ROR2: variants seen among roughly 807,000 people sequenced by gnomAD.
ROR2 encodes tyrosine-protein kinase transmembrane receptor ROR2.
Under a neutral mutation model 74.9 loss-of-function variants are expected in ROR2, and 33 were observed. The ratio of observed to expected loss-of-function variants is 0.44; its 90% confidence interval spans 0.33 to 0.59. The LOEUF (loss-of-function observed/expected upper bound fraction) is 0.59, where lower values mean the gene tolerates loss of function less well. ROR2 is among the 20% of genes least tolerant of loss of function. The pLI is 0.02. For missense variants in ROR2, 1,216 were observed against 1,313.8 expected, an observed-to-expected ratio of 0.93 and a Z score of 1.15; for synonymous variants, 586 against 558.7, an observed-to-expected ratio of 1.05 and a Z score of -0.69.
At chr9:91,802,051 T>C (rs1242165956) in intron 1 of ROR2, among the ~76,000 whole-genome samples, 1 of 151,440 alleles carries the variant, frequency 6.6e-6, no homozygotes, top group African/African-American at 2.4e-5. Flanking sequence ...ACAAACCTTT[T>C]CTTAATTTGG....
chr9:91,874,150 C>T (rs1388418300), intron 1 of ROR2, among the ~76,000 whole-genome samples: 1 of 152,200 alleles, frequency 6.6e-6, no homozygotes, highest in Non-Finnish European at 1.5e-5. Context: ...AGGAATCACC[C>T]CACTTAGGGG....
At chr9:91,865,681 A>G (rs770745957) in intron 1 of ROR2, among the ~76,000 whole-genome samples, 1 of 152,246 alleles carries the variant, frequency 6.6e-6, no homozygotes, top group Non-Finnish European at 1.5e-5. Context: ...GAAATACTAC[A>G]AAACTATGGA....
intron 4 of ROR2, among the ~76,000 whole-genome samples, chr9:91,742,508 A>C (rs1262429203): frequency 2.0e-5 from 3 of 152,254 alleles, no homozygotes; most frequent in Admixed American, 2.0e-4. Flanking sequence ...CAGGAAGCCT[A>C]GAACTGAAAC....
rs1196649802 is a variant in ROR2 at position 91,932,978 on chromosome 9, GA to G, written c.97+16888del. On this transcript the variant is annotated intron_variant, in intron 1 of 8. Transcript: ENST00000375708. ...AGAATAAATTGCTGCCACCTTCTGGGAAAACAACTTTGTAGACAGTATCAAA... is the reference window on the plus strand; with the variant it reads ...AGAATAAATTGCTGCCACCTTCTGGGAAACAACTTTGTAGACAGTATCAAA... Among the ~76,000 whole-genome samples the G allele has an allele frequency of 2.0e-5, 3 of 152,250 alleles. No homozygotes were observed. In the East Asian group the frequency reaches 5.8e-4, roughly 29 times the overall value.
chr9:91,837,368 A>C (rs1828641394), intron 1 of ROR2, among the ~76,000 whole-genome samples: 1 of 152,232 alleles, frequency 6.6e-6, no homozygotes, highest in Admixed American at 6.5e-5. Context: ...CACTGTGCCC[A>C]GCCTGCTTAC....
At chr9:91,754,409 C>A (rs961723446) in intron 4 of ROR2, among the ~76,000 whole-genome samples, 2 of 151,934 alleles carry the variant, frequency 1.3e-5, no homozygotes, top group African/African-American at 2.4e-5. Flanking sequence ...GTAATCTCAG[C>A]ACTTTGGGAG....
rs7852359 is a variant in ROR2 at position 91,849,133 on chromosome 9, G to A, written c.98-73315C>T. 9.7e-4 allele frequency among the ~76,000 whole-genome samples: 148 copies of A among 152,212 alleles called. 1 individual carries two copies. Among genetic ancestry groups the A allele is most frequent in the African/African-American group, 3.3e-3 (138 of 41,528 alleles). On this transcript the variant is annotated intron_variant, in intron 1 of 8. Transcript: ENST00000375708. ...CTAGGGCTTGCTTGAGATCACCTTGGCCAACCTTACCATGGGACCAAACCC... is the reference window on the plus strand; with the variant it reads ...CTAGGGCTTGCTTGAGATCACCTTGACCAACCTTACCATGGGACCAAACCC...
chr9:91,823,184 G>GATA (rs1432696650), intron 1 of ROR2, among the ~76,000 whole-genome samples: 1 of 152,140 alleles, frequency 6.6e-6, no homozygotes, highest in Non-Finnish European at 1.5e-5. Context: ...ACCATTAGAC[G>GATA]ATATCATGGG....
Position 91,733,547 on chromosome 9 carries a change from T to TGCCCC in ROR2, c.623-116_623-112dup. 1 of 1,205,930 alleles carries TGCCCC rather than the reference T, an allele frequency of 8.3e-7. No homozygotes were observed. Among genetic ancestry groups the TGCCCC allele is most frequent in the Non-Finnish European group, 1.1e-6 (1 of 869,738 alleles). 74.7% of individuals were successfully genotyped at this position (1,205,930 alleles called of 1,614,324 possible). A position where few individuals can be genotyped will look rare whatever the true frequency, so the allele number is the denominator to read the frequency against. On this transcript the variant is annotated intron_variant, in intron 5 of 8. Transcript: ENST00000375708. This position sits in a 1 kb window ranked among gnomAD's most constrained non-coding sequence, Gnocchi z 5.7. The stretch of plus-strand genomic sequence containing the variant: ...CCAGACTGCCCACTCAGCCCCCTGA[T>TGCCCC]GCCCCGCCCCGCCCCAGACTCCCCA...
chr9:91,775,797 G>C lies in ROR2; in HGVS notation c.119C>G (p.Pro40Arg). The change falls in exon 2 of 9, where the codon CCG becomes CGG. Residue 40 changes from proline (P) to arginine (R), a missense_variant. Physicochemically the swap from Pro to Arg is moderately radical, Grantham distance 103. Transcript: ENST00000375708. ...RTSGEVEVLD[P>R]NDPLGPLDGQ... ...ATCAAGGGGTCCTAAAGGGTCGTTCGGATCCAGAACCTCCACTTCACCTGG... is the reference window on the plus strand; with the variant it reads ...ATCAAGGGGTCCTAAAGGGTCGTTCCGATCCAGAACCTCCACTTCACCTGG... 1.9e-6 allele frequency: 3 copies of C among 1,614,110 alleles called. No homozygotes were observed. The highest frequency in any genetic ancestry group is 1.7e-6 in the Non-Finnish European group (2 of 1,180,016).
At chr9:91,744,994 C>G (rs191281893) in intron 4 of ROR2, among the ~76,000 whole-genome samples, 3 of 152,062 alleles carry the variant, frequency 2.0e-5, no homozygotes, top group African/African-American at 7.2e-5. Flanking sequence ...TCCACGGGCT[C>G]GGGTGGAAAC....
At chr9:91,752,799 A>G (rs1328564898) in intron 4 of ROR2, among the ~76,000 whole-genome samples, 1 of 152,258 alleles carries the variant, frequency 6.6e-6, no homozygotes, top group East Asian at 1.9e-4. Context: ...ATGCTGAAGT[A>G]TTTCAGGGTA....
intron 1 of ROR2, among the ~76,000 whole-genome samples, chr9:91,900,375 A>G (rs11792319): frequency 0.26 from 39,523 of 152,250 alleles, 5,519 homozygotes; most frequent in Admixed American, 0.43. Context: ...GCTGAGAGGC[A>G]CAGCAGGCAG....
intron 1 of ROR2, among the ~76,000 whole-genome samples, chr9:91,802,093 AGATG>A (rs1439721405): frequency 3.4e-5 from 3 of 88,266 alleles, no homozygotes; most frequent in Non-Finnish European, 6.6e-5. Context: ...TTTTTTTTGG[AGATG>A]GAGTCTCGCT....
In ROR2 at chr9:91,905,190, A is replaced by G. The variant is rs2119441837; in HGVS notation, c.97+44677T>C. On this transcript the variant is annotated intron_variant, in intron 1 of 8. Coordinates refer to ENST00000375708, the MANE Select transcript of ROR2 (RefSeq NM_004560.4). This position sits in a 1 kb window ranked among gnomAD's most constrained non-coding sequence, Gnocchi z 5.3. ...CCACACAACACATACCATACACAAC[A>G]CATACACAAACACCACATATACACC... 6.6e-6 allele frequency among the ~76,000 whole-genome samples: 1 copy of G among 152,010 alleles called. No individual in the cohort carries two copies. Among genetic ancestry groups the G allele is most frequent in the Admixed American group, 6.6e-5 (1 of 15,260 alleles).
At chr9:91,944,876 A>G (rs893075083) in intron 1 of ROR2, among the ~76,000 whole-genome samples, 6 of 151,850 alleles carry the variant, frequency 4.0e-5, no homozygotes, top group Non-Finnish European at 8.8e-5. Flanking sequence ...ACACAAGTGG[A>G]CCTCCATCTC....
At chr9:91,754,568 T>C (rs1191290436) in intron 4 of ROR2, among the ~76,000 whole-genome samples, 7 of 152,064 alleles carry the variant, frequency 4.6e-5, no homozygotes, top group South Asian at 2.1e-4. Flanking sequence ...GACAGGAGAA[T>C]TGCCTGAACT....
chr9:91,901,409 T>A (rs1271981239), intron 1 of ROR2, among the ~76,000 whole-genome samples: 2 of 152,204 alleles, frequency 1.3e-5, no homozygotes, highest in African/African-American at 4.8e-5. Flanking sequence ...CTCACTGGCT[T>A]ATCTTCCCAC....
At chr9:91,859,306 A>G (rs1656792999) in intron 1 of ROR2, among the ~76,000 whole-genome samples, 1 of 150,068 alleles carries the variant, frequency 6.7e-6, no homozygotes, top group African/African-American at 2.5e-5. Context: ...GGTTCAAGCA[A>G]TTCTCCTGCC....
Sources: allele counts gnomAD v4.1 joint callset (sites outside exome capture counted in the v4.1 genomes callset), GRCh38; gene constraint gnomAD v4.1.1; non-coding constraint Gnocchi (gnomAD v3.1); transcripts MANE v1.5; gene names NCBI Gene and HGNC (gene_info 2026-07-23, HGNC 2026-07-21).